ZCWPW2: variants seen among roughly 807,000 people sequenced by gnomAD.
ZCWPW2 encodes the protein zinc finger CW-type PWWP domain protein 2.
In ZCWPW2, 45 loss-of-function variants were observed where a neutral mutation model predicts 46.6. That is an observed-to-expected ratio of 0.96 (90% confidence interval 0.76 to 1.24). The LOEUF (loss-of-function observed/expected upper bound fraction) is 1.24. Among genes scored for constraint, ZCWPW2 ranks in the 50% most tolerant of loss-of-function variants. The pLI, the probability that ZCWPW2 is intolerant of heterozygous loss-of-function variation, is 0.00. For missense variants in ZCWPW2, 429 were observed against 403.9 expected (o/e 1.06, Z -0.53); for synonymous variants, 152 against 137.1 (o/e 1.11, Z -0.76).
At chr3:28,466,821 A>G in intron 4 of ZCWPW2, among the ~76,000 whole-genome samples, 1 of 152,104 alleles carries the variant, frequency 6.6e-6, no homozygotes, top group East Asian at 1.9e-4. Context: ...AAATAAAAAT[A>G]AAACATGAGT....
chr3:28,370,583 G>C (rs1705295948), intron 1 of ZCWPW2, among the ~76,000 whole-genome samples: 1 of 152,136 alleles, frequency 6.6e-6, no homozygotes, highest in Admixed American at 6.5e-5. Context: ...TAGTGACTAG[G>C]GAGAGGTTAT....
At chr3:28,369,958 G>A (rs139755079) in intron 1 of ZCWPW2, among the ~76,000 whole-genome samples, 38 of 152,336 alleles carry the variant, frequency 2.5e-4, no homozygotes, top group Non-Finnish European at 4.9e-4. Flanking sequence ...CTCCGAGCCA[G>A]GCACAGGATA....
At chr3:28,353,561 A>G (rs1704629190) in intron 1 of ZCWPW2, among the ~76,000 whole-genome samples, 1 of 152,242 alleles carries the variant, frequency 6.6e-6, no homozygotes, top group Non-Finnish European at 1.5e-5. Context: ...AAAAGAAATT[A>G]TGACTTTGAC....
intron 1 of ZCWPW2, among the ~76,000 whole-genome samples, chr3:28,364,842 T>A (rs2125696263): frequency 6.6e-6 from 1 of 152,260 alleles, no homozygotes; most frequent in East Asian, 1.9e-4. Flanking sequence ...GTTTCCTGAC[T>A]TTTAATGATC....
chr3:28,472,528 G>C (rs1363694111), intron 4 of ZCWPW2, among the ~76,000 whole-genome samples: 1 of 152,028 alleles, frequency 6.6e-6, no homozygotes, highest in Non-Finnish European at 1.5e-5. Context: ...ATATGCAGAA[G>C]AAAAACTAGA....
intron 4 of ZCWPW2, among the ~76,000 whole-genome samples, chr3:28,476,591 G>A (rs901036867): frequency 6.6e-6 from 1 of 152,252 alleles, no homozygotes; most frequent in Admixed American, 6.5e-5. Context: ...CCAGTTTCAT[G>A]GAAGACAATT....
At chr3:28,481,632 A>C (rs906525719) in intron 5 of ZCWPW2, among the ~76,000 whole-genome samples, 1 of 152,170 alleles carries the variant, frequency 6.6e-6, no homozygotes, top group African/African-American at 2.4e-5. Flanking sequence ...TTTAAGTTCT[A>C]AACAGATTAC....
chr3:28,385,180 C>T (rs1464994718), intron 1 of ZCWPW2, among the ~76,000 whole-genome samples: 1 of 152,090 alleles, frequency 6.6e-6, no homozygotes, highest in Non-Finnish European at 1.5e-5. Context: ...TCAAGACCTG[C>T]ACATATCAGA....
chr3:28,372,512 C>A (rs1332198553), intron 1 of ZCWPW2, among the ~76,000 whole-genome samples: 1 of 152,102 alleles, frequency 6.6e-6, no homozygotes, highest in Admixed American at 6.5e-5. Flanking sequence ...TATTGAACAA[C>A]TGGCAAAGTA....
chr3:28,413,112 A>G lies in ZCWPW2; in HGVS notation c.44A>G (p.Tyr15Cys), dbSNP rs748663373. 111 of 1,612,690 alleles carry G rather than the reference A, an allele frequency of 6.9e-5. No homozygotes were observed. Among genetic ancestry groups the G allele is most frequent in the Non-Finnish European group, 9.2e-5 (109 of 1,179,296 alleles). The change falls in exon 3 of 10, where the codon TAT becomes TGT. Residue 15 changes from tyrosine to cysteine, a missense_variant. Transcript: ENST00000383768. ...KLDVKIEYCNYAMDSSVENMY... is the reference protein window; with the variant it reads ...KLDVKIEYCNCAMDSSVENMY... Reference sequence around the variant, plus strand: ...GATGTTAAGATTGAATATTGTAACTATGCAATGGATTCCTCAGTGGAAAAC... The same window carrying G: ...GATGTTAAGATTGAATATTGTAACTGTGCAATGGATTCCTCAGTGGAAAAC...
intron 2 of ZCWPW2, among the ~76,000 whole-genome samples, chr3:28,407,398 C>G (rs1392164704): frequency 1.3e-5 from 2 of 152,068 alleles, no homozygotes; most frequent in African/African-American, 4.8e-5. Context: ...TTCCCAGTGT[C>G]TGACTTTTAA....
chr3:28,465,158 A>G (rs1417009468), intron 4 of ZCWPW2, among the ~76,000 whole-genome samples: 1 of 152,230 alleles, frequency 6.6e-6, no homozygotes, highest in Non-Finnish European at 1.5e-5. Flanking sequence ...TTTCTAAAAT[A>G]TAATATAAAT....
chr3:28,390,443 A>G (rs1045382090), intron 1 of ZCWPW2, 55 bp from the exon 2 acceptor site: 1 of 969,528 alleles, frequency 1.0e-6, no homozygotes, highest in African/African-American at 1.8e-5. Flanking sequence ...ATTATTTTAA[A>G]AATGTGGGTA....
chr3:28,362,526 C>T (rs891624298), intron 1 of ZCWPW2, among the ~76,000 whole-genome samples: 9 of 152,136 alleles, frequency 5.9e-5, no homozygotes, highest in Non-Finnish European at 1.0e-4. Flanking sequence ...CAATGAGATA[C>T]AATCTCCCAC....
At position 28,489,055 on chromosome 3, in the gene ZCWPW2, G is replaced by A. The variant is rs151173972; in HGVS notation, c.611-3072G>A. ...CTTTTATTGGAAGATGGTTTTTATAGCTTTTGAACACAAAAAGCTCCTTGA... is the reference window on the plus strand; with the variant it reads ...CTTTTATTGGAAGATGGTTTTTATAACTTTTGAACACAAAAAGCTCCTTGA... On this transcript the variant is annotated intron_variant, in intron 5 of 9. Transcript: ENST00000383768. Among the ~76,000 whole-genome samples, 380 of 152,148 alleles carry A rather than the reference G, an allele frequency of 2.5e-3. 1 individual carries two copies. The highest frequency in any genetic ancestry group is 8.4e-3 in the African/African-American group (347 of 41,526).
chr3:28,377,052 T>C (rs1282900823), intron 1 of ZCWPW2, among the ~76,000 whole-genome samples: 1 of 151,034 alleles, frequency 6.6e-6, no homozygotes, highest in African/African-American at 2.4e-5. Context: ...TTTTCCAATA[T>C]TGAACTCACT....
chr3:28,484,287 C>T (rs750632496), intron 5 of ZCWPW2, among the ~76,000 whole-genome samples: 15 of 151,930 alleles, frequency 9.9e-5, no homozygotes, highest in African/African-American at 3.4e-4. Context: ...TTTGAACTAC[C>T]TTGCATTGAA....
intron 2 of ZCWPW2, among the ~76,000 whole-genome samples, chr3:28,401,319 TAAA>T (rs1695923423): frequency 6.6e-6 from 1 of 152,144 alleles, no homozygotes; most frequent in Non-Finnish European, 1.5e-5. Flanking sequence ...ACTTAAGAGA[TAAA>T]GAATTGCAGA....
chr3:28,358,239 C>T (rs1704813645), intron 1 of ZCWPW2, among the ~76,000 whole-genome samples: 1 of 152,064 alleles, frequency 6.6e-6, no homozygotes, highest in Admixed American at 6.6e-5. Context: ...TATCATTATA[C>T]TTCTCTTAAA....
Sources: gnomAD v4.1 joint callset for allele counts (sites outside exome capture counted in the v4.1 genomes callset) on GRCh38, gnomAD v4.1.1 for gene constraint, MANE v1.5 for transcripts, NCBI Gene and HGNC (gene_info 2026-07-23, HGNC 2026-07-21) for gene names.